Variants in PARP10 observed in about 807,000 individuals in gnomAD.
PARP10 encodes the protein poly(ADP-ribose) polymerase family member 10.
A neutral mutation model predicts 82.4 loss-of-function variants in PARP10; 56 were observed. The observed-to-expected ratio is 0.68, with a 90% confidence interval of 0.55 to 0.85. The LOEUF is 0.85. PARP10 is among the 40% of genes least tolerant of loss of function. The pLI, the probability that PARP10 is intolerant of heterozygous loss-of-function variation, is 0.00. For missense variants in PARP10, 1,227 were observed against 1,379.4 expected (o/e 0.89, Z 1.75); for synonymous variants, 576 against 601.1 (o/e 0.96, Z 0.61).
At chr8:143,998,641 G>A (rs1834178803) in intron 1 of PARP10, among the ~76,000 whole-genome samples, 1 of 152,156 alleles carries the variant, frequency 6.6e-6, no homozygotes, top group East Asian at 1.9e-4. Flanking sequence ...AAGAAAATGT[G>A]GAGAATTTTC....
At chr8:143,994,012 C>G (rs535523830), upstream of PARP10, among the ~76,000 whole-genome samples, 2 of 152,244 alleles carry the variant, frequency 1.3e-5, no homozygotes, top group Non-Finnish European at 2.9e-5. Context: ...ACGCCTGCTG[C>G]TCCTGCAGGG....
chr8:143,993,149 G>A, upstream of PARP10: 1 of 367,028 alleles, frequency 2.7e-6, no homozygotes, highest in Non-Finnish European at 5.1e-6. Flanking sequence ...GGGACTGGGG[G>A]CAGCACCAGG....
chr8:143,991,560 C>G (rs1554750502), upstream of PARP10: 3 of 1,588,686 alleles, frequency 1.9e-6, no homozygotes, highest in Non-Finnish European at 2.6e-6. Flanking sequence ...CCCCCCCAAC[C>G]CCTATGGACA....
rs782041608 is a variant in PARP10 at position 143,984,035 on chromosome 8, C to G, written c.1750G>C (p.Gly584Arg). Reference sequence around the variant, plus strand: ...AGGCTCACGTCCTCCTGGTCACCACCTGTACTGTCTGGGGTCCACAGGGTG... The same window carrying G: ...AGGCTCACGTCCTCCTGGTCACCACGTGTACTGTCTGGGGTCCACAGGGTG... The part of the protein sequence containing the change: ...AHTLWTPDST[G>R]GDQEDVSLEE... The change falls in exon 7 of 11, where the codon GGT becomes CGT. Residue 584 changes from glycine to arginine, a missense_variant. Transcript: ENST00000313028. The G allele has an allele frequency of 7.2e-6, 11 of 1,531,492 alleles. No homozygotes were observed. Among genetic ancestry groups the G allele is most frequent in the Non-Finnish European group, 8.8e-6 (10 of 1,141,198 alleles). 94.9% of individuals were successfully genotyped at this position (1,531,492 alleles called of 1,614,324 possible). A position where few individuals can be genotyped will look rare whatever the true frequency, so the allele number is the denominator to read the frequency against.
intron 1 of PARP10, among the ~76,000 whole-genome samples, chr8:143,996,369 C>T (rs1193141139): frequency 1.3e-5 from 2 of 152,250 alleles, no homozygotes; most frequent in African/African-American, 4.8e-5. Flanking sequence ...CCCCATTCCC[C>T]ACCCTGCAAA....
At chr8:143,983,143 C>A (rs371455912) in intron 8 of PARP10, 24 bp downstream of exon 8, 83 of 1,611,844 alleles carry the variant, frequency 5.1e-5, no homozygotes, top group Non-Finnish European at 6.8e-5. Flanking sequence ...CCCCACCGTC[C>A]CTCAGTCCAG....
chr8:143,996,098 T>G (rs1480332068), upstream of PARP10, among the ~76,000 whole-genome samples: 1 of 152,094 alleles, frequency 6.6e-6, no homozygotes, highest in Non-Finnish European at 1.5e-5. Context: ...TCCAGCACCC[T>G]CTTAACACGA....
chr8:143,984,477 G>T, intron 5 of PARP10, 46 bp from the exon 6 acceptor site: 1 of 1,593,580 alleles, frequency 6.3e-7, no homozygotes, highest in Admixed American at 1.7e-5. Context: ...TAGAGCACAG[G>T]AAAGGTACTT....
At chr8:144,012,366 C>T (rs2133089414) in intron 1 of PARP10, 1 of 651,318 alleles carries the variant, frequency 1.5e-6, no homozygotes, top group East Asian at 2.7e-5. Context: ...AGGAAGAGGG[C>T]ACAGCCTCTG....
chr8:143,993,863 C>G (rs537220349), upstream of PARP10, among the ~76,000 whole-genome samples: 3 of 152,350 alleles, frequency 2.0e-5, no homozygotes, highest in African/African-American at 7.2e-5. Context: ...TCCAGCCTCC[C>G]CATGAGAAAC....
At chr8:143,991,874 C>T (rs782430607), upstream of PARP10, 26 of 1,610,506 alleles carry the variant, frequency 1.6e-5, no homozygotes, top group Admixed American at 4.3e-4. Context: ...GGCTCCTTCC[C>T]CAGGTGTTCC....
rs782049000 is a variant in PARP10 at position 143,984,365 on chromosome 8, T to C, written c.1525A>G (p.Ser509Gly). The C allele has an allele frequency of 2.2e-5, 36 of 1,613,338 alleles. No homozygotes were observed. In the Admixed American group the frequency reaches 2.5e-4, roughly 11 times the overall value. Reference protein sequence around the residue: ...EFLRSLLGSISCHVLCLEHPG... With the variant: ...EFLRSLLGSIGCHVLCLEHPG... ...TGCTCCAGGCACAACACATGGCAGC[T>C]AATGCTGCCCAGCAGGCTCCGCAGA... The change falls in exon 6 of 11, where the codon AGC (serine) becomes GGC (glycine). Residue 509 changes from serine (S) to glycine (G), a missense_variant. Ser to Gly is a moderately conservative substitution (Grantham distance 56). Coordinates refer to ENST00000313028, the MANE Select transcript of PARP10 (RefSeq NM_032789.5).
At position 143,983,471 on chromosome 8, in the gene PARP10, C is replaced by T; in HGVS notation, c.2118G>A (p.Lys706=). The change falls in exon 8 of 11, where the codon AAG becomes AAA. Residue 706 remains lysine, a synonymous_variant. Coordinates refer to ENST00000313028, the MANE Select transcript of PARP10 (RefSeq NM_032789.5). ...EEPPDGGTDG[K]AQLVVHSAFE... ...AGGCCGAGTGCACCACCAGCTGGGCCTTGCCATCAGTCCCCCCATCTGGGG... is the reference window on the plus strand; with the variant it reads ...AGGCCGAGTGCACCACCAGCTGGGCTTTGCCATCAGTCCCCCCATCTGGGG... 3 of 1,607,060 alleles carry T rather than the reference C, an allele frequency of 1.9e-6. No individual in the cohort carries two copies. Among genetic ancestry groups the T allele is most frequent in the Non-Finnish European group, 2.5e-6 (3 of 1,178,730 alleles).
At position 143,985,093 on chromosome 8, in the gene PARP10, C is replaced by T; in HGVS notation, c.909G>A (p.Gln303=). 5.0e-6 allele frequency: 8 copies of T among 1,614,040 alleles called. No individual in the cohort carries two copies. Among genetic ancestry groups the T allele is most frequent in the Non-Finnish European group, 6.8e-6 (8 of 1,180,018 alleles). ...GACCTGTCCTCAGAGAGGCCCCTGA[C>T]TGCCCTGGTTCCTCGCCAGAGCCCA... ...VTMGSGEEPG[Q]SGASLRTGPM... The change falls in exon 5 of 11, where the codon CAG becomes CAA. Residue 303 remains glutamine, a synonymous_variant. Transcript: ENST00000313028.
chr8:143,988,525 G>C (rs1174046280), upstream of PARP10, among the ~76,000 whole-genome samples: 9 of 150,842 alleles, frequency 6.0e-5, no homozygotes, highest in Non-Finnish European at 1.3e-4. Context: ...GAGTGCGGTG[G>C]CACGATCTCA....
chr8:143,988,493 T>G (rs1834039436), upstream of PARP10, among the ~76,000 whole-genome samples: 1 of 148,200 alleles, frequency 6.7e-6, no homozygotes. Context: ...TGAGACAGAG[T>G]CACACTCTGT....
chr8:144,007,144 C>T (rs1358928691), intron 1 of PARP10, among the ~76,000 whole-genome samples: 11 of 152,212 alleles, frequency 7.2e-5, no homozygotes, highest in African/African-American at 2.7e-4. Flanking sequence ...GGTCTCTGTC[C>T]CTGGCTTTTA....
intron 1 of PARP10, among the ~76,000 whole-genome samples, chr8:144,000,188 G>A (rs59538082): frequency 0.029 from 4,386 of 152,230 alleles, 221 homozygotes; most frequent in African/African-American, 0.1. Flanking sequence ...ACCTCAGAGT[G>A]TGACCTAATT....
chr8:143,995,952 T>G (rs1834161564), upstream of PARP10, among the ~76,000 whole-genome samples: 1 of 152,232 alleles, frequency 6.6e-6, no homozygotes, highest in South Asian at 2.1e-4. Flanking sequence ...TAGTCTGTCC[T>G]CCTTCCAAAT....
Sources: allele counts gnomAD v4.1 joint callset (sites outside exome capture counted in the v4.1 genomes callset), GRCh38; gene constraint gnomAD v4.1.1; transcripts MANE v1.5; gene names NCBI Gene and HGNC (gene_info 2026-07-23, HGNC 2026-07-21).